Variants in TANGO2 observed in about 807,000 individuals in gnomAD.
TANGO2 encodes the protein transport and golgi organization 2 homolog.
In TANGO2, 26 loss-of-function variants were observed where a neutral mutation model predicts 39.1. That is an observed-to-expected ratio of 0.67 (90% confidence interval 0.49 to 0.92). The LOEUF is 0.92. Ranked by LOEUF, TANGO2 falls within the 40% of genes least tolerant of loss-of-function variation. TANGO2 has a pLI of 0.00. For missense variants in TANGO2, 326 were observed against 360.1 expected (o/e 0.91, Z 0.77); for synonymous variants, 131 against 144.5 (o/e 0.91, Z 0.67).
In TANGO2 at chr22:20,059,254, A is replaced by C. The variant is rs1176618724; in HGVS notation, c.452-2276A>C. Reference sequence around the variant, plus strand: ...GACAGCTGCCCTGAACCCTCGAGCCAGTTGGTACTTTTTGTTTCTTCCCTT... The same window carrying C: ...GACAGCTGCCCTGAACCCTCGAGCCCGTTGGTACTTTTTGTTTCTTCCCTT... On this transcript the variant is annotated intron_variant, in intron 6 of 8. Coordinates refer to ENST00000327374, the MANE Select transcript of TANGO2 (RefSeq NM_152906.7). 1.3e-5 allele frequency among the ~76,000 whole-genome samples: 2 copies of C among 152,294 alleles called. 1 individual carries two copies. The highest frequency in any genetic ancestry group is 3.9e-4 in the East Asian group (2 of 5,186).
chr22:20,020,966 T>A (rs1007130719), upstream of TANGO2: 1 of 151,952 alleles, frequency 6.6e-6, no homozygotes, highest in Non-Finnish European at 1.5e-5. Flanking sequence ...GGTGGCAGCC[T>A]CCGAGCGACA....
rs1038178470 is a variant in TANGO2, at chr22:20,057,818, G to C, written c.451+1805G>C. 2.0e-5 allele frequency among the ~76,000 whole-genome samples: 3 copies of C among 152,194 alleles called. No individual in the cohort carries two copies. Among genetic ancestry groups the C allele is most frequent in the Non-Finnish European group, 4.4e-5 (3 of 68,040 alleles). On this transcript the variant is annotated intron_variant, in intron 6 of 8. Transcript: ENST00000327374. The surrounding 1 kb of genome is among the most constrained non-coding windows in gnomAD (Gnocchi z 4.1). ...AAACTAAAAGGTGCAAAAGCAGTCA[G>C]AGACTCCCTACCACCCCCTCACTGT...
chr22:20,025,468 T>C (rs117207924), intron 1 of TANGO2, among the ~76,000 whole-genome samples: 1,550 of 152,156 alleles, frequency 0.01, 14 homozygotes, highest in Non-Finnish European at 0.014. Context: ...ACGCTTTCAG[T>C]GTCTGGCGTG....
intron 3 of TANGO2, among the ~76,000 whole-genome samples, chr22:20,046,434 C>T (rs2045203109): frequency 6.6e-6 from 1 of 150,976 alleles, no homozygotes; most frequent in African/African-American, 2.4e-5. Context: ...AGATAATAAG[C>T]CATGGTGCCC....
intron 2 of TANGO2, among the ~76,000 whole-genome samples, chr22:20,038,404 C>G (rs912430906): frequency 6.6e-6 from 1 of 152,216 alleles, no homozygotes; most frequent in Non-Finnish European, 1.5e-5. Context: ...CTCCTGCAGG[C>G]TGCTGAAGAG....
At chr22:20,033,053 G>A (rs1432275041) in intron 1 of TANGO2, 3 of 406,334 alleles carry the variant, frequency 7.4e-6, no homozygotes, top group South Asian at 1.9e-5. Flanking sequence ...GTCACAGGTC[G>A]GGGGAGGTGA....
chr22:20,054,516 G>C (rs908160229), intron 5 of TANGO2: 2 of 152,432 alleles, frequency 1.3e-5, no homozygotes, highest in Non-Finnish European at 2.9e-5. Context: ...AGGGTGCCAT[G>C]CCTTGAGCAG....
chr22:20,019,236 C>T (rs946188521), upstream of TANGO2: 6 of 152,198 alleles, frequency 3.9e-5, no homozygotes, highest in East Asian at 1.9e-4. Context: ...AAAATGCTTT[C>T]AGCTGGGTGT....
At chr22:20,049,676 A>G (rs912744497) in intron 3 of TANGO2, among the ~76,000 whole-genome samples, 1 of 151,862 alleles carries the variant, frequency 6.6e-6, no homozygotes, top group Admixed American at 6.6e-5. Context: ...AAAAAAAAAA[A>G]AGAAAAAAGA....
intron 2 of TANGO2, among the ~76,000 whole-genome samples, chr22:20,041,373 CAT>C (rs760118407): frequency 2.1e-4 from 30 of 141,700 alleles, no homozygotes; most frequent in Admixed American, 1.1e-3. Flanking sequence ...AGTACAGTAG[CAT>C]GATCTCGGCT....
At position 20,052,600 on chromosome 22, in the gene TANGO2, T is replaced by C. The variant is rs778805045; in HGVS notation, c.265+16T>C. ...CGAGGGCGAGGTAAGGCGAGTGGGGTGGGGCCAAGGTGAGACAGGGTGGGG... is the reference window on the plus strand; with the variant it reads ...CGAGGGCGAGGTAAGGCGAGTGGGGCGGGGCCAAGGTGAGACAGGGTGGGG... On this transcript the variant is annotated intron_variant, in intron 4 of 8. Coordinates refer to ENST00000327374, the MANE Select transcript of TANGO2 (RefSeq NM_152906.7). The C allele has an allele frequency of 8.0e-7, 1 of 1,255,098 alleles. No individual in the cohort carries two copies. The highest frequency in any genetic ancestry group is 1.0e-6 in the Non-Finnish European group (1 of 959,874). The allele number at this position is 1,255,098 out of a possible 1,614,324, so 77.7% of individuals were successfully genotyped here.
In TANGO2 at chr22:20,064,552, A is replaced by G. The variant is rs1283338888; in HGVS notation, c.721A>G (p.Ile241Val). ...CCTGCTCTCTTTCAGAACCAACACT[A>G]TCATCCTGGTAGATGCGGACGGCCA... is the stretch of plus-strand genomic sequence containing the variant. ...CPGYGTRTNT[I>V]ILVDADGHVT... is the part of the protein sequence containing the mutation. Residue 241 changes from isoleucine (I) to valine (V), a missense_variant, in exon 9 of 9, where the codon ATC (isoleucine) becomes GTC (valine). Ile to Val is a conservative substitution (Grantham distance 29). Coordinates refer to ENST00000327374, the MANE Select transcript of TANGO2 (RefSeq NM_152906.7). 34 of 1,613,942 alleles carry G rather than the reference A, an allele frequency of 2.1e-5. No homozygotes were observed. Among genetic ancestry groups the G allele is most frequent in the Non-Finnish European group, 2.9e-5 (34 of 1,179,982 alleles).
chr22:20,040,096 C>T (rs1001420676), intron 2 of TANGO2, among the ~76,000 whole-genome samples: 3 of 152,188 alleles, frequency 2.0e-5, no homozygotes, highest in Admixed American at 2.0e-4. Context: ...GAGAGAGCTA[C>T]TTCCTCCTCC....
intron 3 of TANGO2, among the ~76,000 whole-genome samples, chr22:20,046,089 T>C (rs1481054310): frequency 1.3e-5 from 2 of 152,176 alleles, no homozygotes; most frequent in Non-Finnish European, 2.9e-5. Flanking sequence ...TCTGGACTTT[T>C]GTGCCACTGT....
chr22:20,036,275 G>A (rs561701215), intron 1 of TANGO2, among the ~76,000 whole-genome samples: 2 of 152,286 alleles, frequency 1.3e-5, no homozygotes, highest in East Asian at 3.9e-4. Flanking sequence ...CTGCGTACTA[G>A]GGGATAAATT....
chr22:20,038,253 C>A (rs1299704842), intron 2 of TANGO2, among the ~76,000 whole-genome samples: 1 of 152,224 alleles, frequency 6.6e-6, no homozygotes, highest in Non-Finnish European at 1.5e-5. Context: ...ACGCCTTGAT[C>A]TTGGATCTCC....
intron 1 of TANGO2, 31 bp from the exon 2 acceptor site, chr22:20,036,729 C>A: frequency 6.3e-7 from 1 of 1,593,580 alleles, no homozygotes; most frequent in Admixed American, 1.7e-5. Context: ...GTCTGCCATC[C>A]GCTCAACTCA....
intron 2 of TANGO2, among the ~76,000 whole-genome samples, chr22:20,041,012 A>G (rs765571344): frequency 1.3e-5 from 2 of 152,200 alleles, no homozygotes; most frequent in Non-Finnish European, 2.9e-5. Context: ...AGGGCATGGC[A>G]CAGTCCCTGG....
intron 1 of TANGO2, among the ~76,000 whole-genome samples, chr22:20,022,143 C>G (rs1051947213): frequency 6.6e-6 from 1 of 152,224 alleles, no homozygotes; most frequent in Non-Finnish European, 1.5e-5. Flanking sequence ...CTCTGGGCAG[C>G]CTTTTGGGGC....
Sources: gnomAD v4.1 joint callset for allele counts (sites outside exome capture counted in the v4.1 genomes callset) on GRCh38, gnomAD v4.1.1 for gene constraint, Gnocchi (gnomAD v3.1) non-coding constraint, MANE v1.5 for transcripts, NCBI Gene and HGNC (gene_info 2026-07-23, HGNC 2026-07-21) for gene names.